XKR6: variants seen among roughly 807,000 people sequenced by gnomAD.
XKR6 encodes XK related 6.
In XKR6, 22 loss-of-function variants were observed where a neutral mutation model predicts 56.7. That is an observed-to-expected ratio of 0.39 (90% CI 0.28 to 0.55). XKR6 has a LOEUF of 0.55. Ranked by LOEUF, XKR6 falls within the 20% of genes least tolerant of loss-of-function variation. XKR6 has a pLI of 0.66. For synonymous variants in XKR6, 524 were observed against 387.8 expected (o/e 1.35, Z -4.13); for missense variants, 852 against 889.0 (o/e 0.96, Z 0.53).
At chr8:11,006,145 A>C (rs1273271899) in intron 1 of XKR6, among the ~76,000 whole-genome samples, 3 of 152,138 alleles carry the variant, frequency 2.0e-5, no homozygotes, top group African/African-American at 7.2e-5. Flanking sequence ...TGACTGACTA[A>C]AAATTTTTCA....
At chr8:11,079,350 C>G (rs545917773) in intron 1 of XKR6, among the ~76,000 whole-genome samples, 2 of 152,192 alleles carry the variant, frequency 1.3e-5, no homozygotes, top group African/African-American at 4.8e-5. Flanking sequence ...GTAAGTGCAG[C>G]TTTTAAAAAT....
At chr8:11,112,482 T>TC (rs1471158687) in intron 1 of XKR6, among the ~76,000 whole-genome samples, 4 of 152,172 alleles carry the variant, frequency 2.6e-5, no homozygotes, top group African/African-American at 9.7e-5. Context: ...CAGTATTATT[T>TC]CTCATTAAAA....
At chr8:11,013,530 T>C (rs1284442850) in intron 1 of XKR6, among the ~76,000 whole-genome samples, 1 of 152,200 alleles carries the variant, frequency 6.6e-6, no homozygotes, top group Non-Finnish European at 1.5e-5. Context: ...GACTTAACTG[T>C]CTTTGTACCA....
chr8:11,197,706 A>G (rs1170851354), intron 1 of XKR6, among the ~76,000 whole-genome samples: 2 of 152,312 alleles, frequency 1.3e-5, no homozygotes, highest in Admixed American at 6.5e-5. Flanking sequence ...ACAGACAACC[A>G]TTCTTCCATG....
chr8:10,973,983 T>A (rs1802480557), intron 1 of XKR6, among the ~76,000 whole-genome samples: 1 of 152,278 alleles, frequency 6.6e-6, no homozygotes, highest in Admixed American at 6.5e-5. Context: ...ATTCCAGTTT[T>A]TTTTTAAGTG....
intron 1 of XKR6, among the ~76,000 whole-genome samples, chr8:11,153,487 A>G (rs1801358597): frequency 6.6e-6 from 1 of 152,238 alleles, no homozygotes. Context: ...AGTCAATATA[A>G]AAGTAATAAC....
At chr8:10,939,331 CCCCA>C (rs1801319267) in intron 1 of XKR6, among the ~76,000 whole-genome samples, 4 of 152,180 alleles carry the variant, frequency 2.6e-5, no homozygotes, top group Admixed American at 2.6e-4. Context: ...TTGGGCCTGG[CCCCA>C]AGGACCAGTG....
chr8:11,004,289 T>C (rs1798314501), intron 1 of XKR6, among the ~76,000 whole-genome samples: 1 of 152,080 alleles, frequency 6.6e-6, no homozygotes, highest in Non-Finnish European at 1.5e-5. Flanking sequence ...CTGACAAACA[T>C]GGTGAAACCT....
intron 1 of XKR6, chr8:11,108,387 T>C (rs1399270760): frequency 2.2e-6 from 1 of 455,158 alleles, no homozygotes; most frequent in African/African-American, 2.0e-5. Flanking sequence ...GTAAATCTGA[T>C]ACCCCAAGAC....
At chr8:11,105,578 T>G (rs921381145) in intron 1 of XKR6, 1 of 152,242 alleles carries the variant, frequency 6.6e-6, no homozygotes, top group African/African-American at 2.4e-5. Context: ...GGTAGAAAAG[T>G]TGCAGAACAC....
chr8:10,929,338 A>G (rs1333177538), intron 1 of XKR6, among the ~76,000 whole-genome samples: 1 of 152,254 alleles, frequency 6.6e-6, no homozygotes, highest in Non-Finnish European at 1.5e-5. Flanking sequence ...CAGGTGCAGT[A>G]TTACCTACCA....
intron 1 of XKR6, among the ~76,000 whole-genome samples, chr8:10,935,740 T>C (rs1343491819): frequency 6.9e-6 from 1 of 145,974 alleles, no homozygotes; most frequent in Non-Finnish European, 1.5e-5. Context: ...TGAGTTCTAG[T>C]TTGATTGCAC....
At chr8:10,923,994 T>A (rs1434477100) in intron 2 of XKR6, among the ~76,000 whole-genome samples, 1 of 152,190 alleles carries the variant, frequency 6.6e-6, no homozygotes, top group East Asian at 1.9e-4. Context: ...CTCTCACTTG[T>A]TGAATGGATA....
Position 10,897,012 on chromosome 8 carries a change from G to C in XKR6, c.*940C>G, listed in dbSNP as rs1586277287. The C allele has an allele frequency of 6.6e-6, 1 of 152,634 alleles. No individual in the cohort carries two copies. The highest frequency in any genetic ancestry group is 2.4e-5 in the African/African-American group (1 of 41,440). 9.5% of individuals were successfully genotyped at this position (152,634 alleles called of 1,614,324 possible). On this transcript the variant is annotated 3_prime_UTR_variant, in exon 3 of 3. Coordinates refer to ENST00000416569, the MANE Select transcript of XKR6 (RefSeq NM_173683.4). Reference sequence around the variant, plus strand: ...TTTATTATTACTGACTATGTGTACAGAAATCTCCTTTAATTTGCTTTAGAA... The same window carrying C: ...TTTATTATTACTGACTATGTGTACACAAATCTCCTTTAATTTGCTTTAGAA...
intron 1 of XKR6, among the ~76,000 whole-genome samples, chr8:11,019,642 G>A (rs968600244): frequency 6.6e-6 from 1 of 152,216 alleles, no homozygotes; most frequent in Non-Finnish European, 1.5e-5. Flanking sequence ...GAGCAGTGTG[G>A]CAGCTGGCTC....
At chr8:11,008,929 C>G (rs1183191293) in intron 1 of XKR6, among the ~76,000 whole-genome samples, 1 of 152,166 alleles carries the variant, frequency 6.6e-6, no homozygotes, top group Admixed American at 6.5e-5. Context: ...AGGGAAATCT[C>G]TTGACATGCA....
rs372516738 is a variant in XKR6 at position 11,167,766 on chromosome 8, A to G, written c.764+32810T>C. On this transcript the variant is annotated intron_variant, in intron 1 of 2. Transcript: ENST00000416569. ...AAGAGCCAACCTGCAAAAACTGGAAAAAGTATTTTTGTTTGTTTATTTGTT... is the reference window on the plus strand; with the variant it reads ...AAGAGCCAACCTGCAAAAACTGGAAGAAGTATTTTTGTTTGTTTATTTGTT... Among the ~76,000 whole-genome samples, 5 of 152,270 alleles carry G rather than the reference A, an allele frequency of 3.3e-5. No homozygotes were observed. The South Asian group carries it at 1.0e-3, about 32-fold the overall frequency.
intron 1 of XKR6, among the ~76,000 whole-genome samples, chr8:11,065,395 T>A (rs976834662): frequency 6.6e-6 from 1 of 152,214 alleles, no homozygotes; most frequent in Non-Finnish European, 1.5e-5. Flanking sequence ...AGCTCCACCA[T>A]TCGGTGGCTT....
intron 1 of XKR6, among the ~76,000 whole-genome samples, chr8:11,173,600 A>G (rs1384637269): frequency 1.3e-5 from 2 of 152,196 alleles, no homozygotes; most frequent in Middle Eastern, 3.4e-3. Flanking sequence ...TGGGGTCACC[A>G]TGAGAGTTCA....
Sources: gnomAD v4.1 joint callset for allele counts (sites outside exome capture counted in the v4.1 genomes callset) on GRCh38, gnomAD v4.1.1 for gene constraint, MANE v1.5 for transcripts, NCBI Gene and HGNC (gene_info 2026-07-23, HGNC 2026-07-21) for gene names.